CSPG4: variants seen among roughly 807,000 people sequenced by gnomAD.
CSPG4 encodes chondroitin sulfate proteoglycan 4 (melanoma-associated).
Under a neutral mutation model 139.3 loss-of-function variants are expected in CSPG4, and 74 were observed. The observed-to-expected ratio is 0.53, with a 90% CI of 0.44 to 0.64. The LOEUF is 0.64. CSPG4 is among the 30% of genes least tolerant of loss of function. The pLI, the probability that CSPG4 is intolerant of heterozygous loss-of-function variation, is 0.00. For missense variants in CSPG4, 2,565 were observed against 3,148.3 expected (o/e 0.81, Z 4.43); for synonymous variants, 1,234 against 1,394.2 (o/e 0.89, Z 2.56).
chr15:75,702,201 G>T (rs2141437965), intron 1 of CSPG4, among the ~76,000 whole-genome samples: 1 of 152,294 alleles, frequency 6.6e-6, no homozygotes, highest in Admixed American at 6.5e-5. Context: ...TGCCTGCAGG[G>T]TCTCTTGCTC....
chr15:75,695,266 G>A (rs928065237), intron 1 of CSPG4, among the ~76,000 whole-genome samples: 1 of 152,136 alleles, frequency 6.6e-6, no homozygotes, highest in African/African-American at 2.4e-5. Flanking sequence ...GGCCAGGCAG[G>A]AACTGAACTA....
At chr15:75,707,506 G>C (rs1371044108) in intron 1 of CSPG4, among the ~76,000 whole-genome samples, 1 of 152,186 alleles carries the variant, frequency 6.6e-6, no homozygotes, top group Non-Finnish European at 1.5e-5. Context: ...CCAGTGTGGA[G>C]TGAGGGCCAG....
chr15:75,675,173 T>C lies in CSPG4; in HGVS notation c.*377A>G, dbSNP rs1466203870. 2.4e-5 allele frequency: 7 copies of C among 296,844 alleles called. No individual in the cohort carries two copies. The highest frequency in any genetic ancestry group is 3.1e-5 in the Non-Finnish European group (5 of 162,018). 18.4% of individuals were successfully genotyped at this position (296,844 alleles called of 1,614,324 possible). ...CCTCCCCAGGGTACTTCCTTCTCCT[T>C]GCCCTCTTAGCAGCCTGGGTCAGGC... On this transcript the variant is annotated 3_prime_UTR_variant, in exon 10 of 10. Transcript: ENST00000308508.
chr15:75,678,683 C>T, intron 8 of CSPG4: 1 of 456,218 alleles, frequency 2.2e-6, no homozygotes, highest in African/African-American at 2.0e-5. Flanking sequence ...TTCACATTTT[C>T]CACCAGCTTC....
In CSPG4 at chr15:75,689,627, C is replaced by T. The variant is rs757991573; in HGVS notation, c.1438G>A (p.Glu480Lys). 17 of 1,612,736 alleles carry T rather than the reference C, an allele frequency of 1.1e-5. No individual in the cohort carries two copies. Among genetic ancestry groups the T allele is most frequent in the Middle Eastern group, 3.3e-4 (2 of 6,028 alleles). The part of the protein sequence containing the change: ...FSVTRGARHG[E>K]LELDIPGAQA... ...GCTCCCGGGATGTCCAGCTCGAGCTCGCCATGGCGTGCCCCTCGGGTCACG... is the reference window on the plus strand; with the variant it reads ...GCTCCCGGGATGTCCAGCTCGAGCTTGCCATGGCGTGCCCCTCGGGTCACG... The change falls in exon 3 of 10, where the codon GAG becomes AAG. Residue 480 changes from glutamate (E) to lysine (K), a missense_variant. Glu to Lys is a moderately conservative substitution (Grantham distance 56, BLOSUM62 1). Around this residue, in one of 5 missense-constraint regions of CSPG4, gnomAD observed 2,316 missense variants for 2,818.2 expected, o/e 0.82. Transcript: ENST00000308508.
chr15:75,688,862 C>T lies in CSPG4; in HGVS notation c.2203G>A (p.Asp735Asn), dbSNP rs750228779. ...TACCTCACGCGGCCCTGCTCCACAT[C>T]CCGCTGGTGGAACGCCTGTGTGGCC... ...WWATQAFHQR[D>N]VEQGRVRYLS... Residue 735 changes from aspartate to asparagine, a missense_variant, in exon 3 of 10, where the codon GAT (aspartate) becomes AAT (asparagine). This residue lies in a region of CSPG4 where 2,316 missense variants were observed against 2,818.2 expected (regional missense o/e 0.82). Coordinates refer to ENST00000308508, the MANE Select transcript of CSPG4 (RefSeq NM_001897.5). 3.8e-5 allele frequency: 62 copies of T among 1,612,326 alleles called. No homozygotes were observed. Among genetic ancestry groups the T allele is most frequent in the Non-Finnish European group, 4.8e-5 (57 of 1,179,958 alleles).
Position 75,687,253 on chromosome 15 carries a change from G to A in CSPG4, c.3789+23C>T. ...GGCCCTCTACCTGGCCCACACCCCT[G>A]CTCACCACCTCCAACTCCTCACCTC... On this transcript the variant is annotated intron_variant, in intron 3 of 9. Transcript: ENST00000308508. This position sits in a 1 kb window ranked among gnomAD's most constrained non-coding sequence, Gnocchi z 5.4. 1.2e-6 allele frequency: 2 copies of A among 1,608,476 alleles called. No individual in the cohort carries two copies. Among genetic ancestry groups the A allele is most frequent in the Non-Finnish European group, 1.7e-6 (2 of 1,179,740 alleles).
chr15:75,686,473 T>C (rs1324436635), intron 3 of CSPG4, among the ~76,000 whole-genome samples: 1 of 148,822 alleles, frequency 6.7e-6, no homozygotes, highest in East Asian at 1.9e-4. Context: ...CTCCCTCACC[T>C]GATGGGCCAG....
intron 8 of CSPG4, among the ~76,000 whole-genome samples, chr15:75,681,910 G>A (rs1323821080): frequency 6.6e-6 from 1 of 152,124 alleles, no homozygotes; most frequent in Non-Finnish European, 1.5e-5. Context: ...GCTGCTTCAC[G>A]TCCAACTCCA....
intron 1 of CSPG4, among the ~76,000 whole-genome samples, chr15:75,710,137 G>C (rs1894429048): frequency 6.6e-6 from 1 of 152,084 alleles, no homozygotes; most frequent in East Asian, 1.9e-4. Flanking sequence ...TCCCCACCCA[G>C]GTAACACACA....
At chr15:75,684,123 A>G (rs955298294) in intron 5 of CSPG4, among the ~76,000 whole-genome samples, 6 of 149,448 alleles carry the variant, frequency 4.0e-5, no homozygotes, top group African/African-American at 1.2e-4. Flanking sequence ...GGGAGGATGC[A>G]CCCCAGAAGC....
At chr15:75,691,051 G>A (rs560903640) in intron 2 of CSPG4, among the ~76,000 whole-genome samples, 2 of 152,342 alleles carry the variant, frequency 1.3e-5, no homozygotes, top group South Asian at 2.1e-4. Flanking sequence ...GCGCATGCCT[G>A]TAATCCCAGC....
rs1400001508 is a variant in CSPG4 at position 75,689,407 on chromosome 15, G to A, written c.1658C>T (p.Pro553Leu). 3 of 1,612,738 alleles carry A rather than the reference G, an allele frequency of 1.9e-6. No homozygotes were observed. In the Admixed American group the frequency reaches 5.0e-5, roughly 27 times the overall value. ...PIQVNPVNDP[P>L]HIIFPHGSLM... ...GCTGCCATGTGGGAAGATGATGTGG[G>A]GTGGGTCATTGACAGGGTTGACCTG... The change falls in exon 3 of 10, where the codon CCC becomes CTC. Residue 553 changes from proline (P) to leucine (L), a missense_variant. Transcript: ENST00000308508.
rs369262587 is a variant in CSPG4 at position 75,685,669 on chromosome 15, G to A, written c.3822C>T (p.Ile1274=). 1.4e-5 allele frequency: 22 copies of A among 1,603,488 alleles called. No individual in the cohort carries two copies. The highest frequency in any genetic ancestry group is 1.7e-5 in the Non-Finnish European group (20 of 1,178,908). The change falls in exon 4 of 10, where the codon ATC becomes ATT. Residue 1274 remains isoleucine, a synonymous_variant. Coordinates refer to ENST00000308508, the MANE Select transcript of CSPG4 (RefSeq NM_001897.5). ...TCGGTGGGCTCTTCACTGAGAATACGATGTCTGCAGGTGGCACTGCCTCCT... is the reference window on the plus strand; with the variant it reads ...TCGGTGGGCTCTTCACTGAGAATACAATGTCTGCAGGTGGCACTGCCTCCT... ...AAQEAVPPAD[I]VFSVKSPPSA...
At chr15:75,701,800 CAG>C (rs920036415) in intron 1 of CSPG4, among the ~76,000 whole-genome samples, 1 of 152,172 alleles carries the variant, frequency 6.6e-6, no homozygotes, top group Non-Finnish European at 1.5e-5. Context: ...AAGGAGGACT[CAG>C]TGTACTCTCC....
rs146031243 is a variant in CSPG4, at chr15:75,675,930, C to T, written c.6589G>A (p.Glu2197Lys). The change falls in exon 10 of 10, where the codon GAG (glutamate) becomes AAG (lysine). Residue 2197 changes from glutamate to lysine, a missense_variant. Glu to Lys is a moderately conservative substitution (Grantham distance 56, BLOSUM62 1). Transcript: ENST00000308508. ...GKPESSTPTGEPGPMASSPEP... is the reference protein window; with the variant it reads ...GKPESSTPTGKPGPMASSPEP... ...GGGCTGGATGCCATGGGGCCTGGCT[C>T]GCCTGTGGGGGTGCTGCTCTCTGGC... The T allele has an allele frequency of 2.4e-4, 381 of 1,597,620 alleles. No homozygotes were observed. In the African/African-American group the frequency reaches 2.9e-3, roughly 12 times the overall value.
In CSPG4 at chr15:75,696,752, C is replaced by G. The variant is rs371716738; in HGVS notation, c.89-3519G>C. Among the ~76,000 whole-genome samples the G allele has an allele frequency of 7.9e-5, 12 of 152,162 alleles. 1 individual carries two copies. The East Asian group carries it at 9.6e-4, about 12-fold the overall frequency. ...ATAAACAGGGCACTGCTGTCTGGGC[C>G]TGAGGGTGGGGTGGCTCCATCCTTC... On this transcript the variant is annotated intron_variant, in intron 1 of 9. Coordinates refer to ENST00000308508, the MANE Select transcript of CSPG4 (RefSeq NM_001897.5). The surrounding 1 kb of genome is among the most constrained non-coding windows in gnomAD (Gnocchi z 4.2).
In CSPG4 at chr15:75,690,694, G is replaced by A. The variant is rs775706392; in HGVS notation, c.371C>T (p.Ser124Leu). Residue 124 changes from serine (S) to leucine (L), a missense_variant, in exon 3 of 10, where the codon TCA (serine) becomes TTA (leucine). By Grantham distance (145) the Ser-to-Leu change is moderately radical. This residue lies in a region of CSPG4 where 132 missense variants were observed against 132.3 expected (regional missense o/e 1.00). Transcript: ENST00000308508. ...GGAGGCGTTCAGAAACCCATCGACTGACAACGTGGCCCAGCCCTCTACGAC... is the reference window on the plus strand; with the variant it reads ...GGAGGCGTTCAGAAACCCATCGACTAACAACGTGGCCCAGCCCTCTACGAC... ...LTVVEGWATL[S>L]VDGFLNASSA... is the part of the protein sequence containing the mutation. The A allele has an allele frequency of 6.2e-7, 1 of 1,613,046 alleles. No homozygotes were observed. The highest frequency in any genetic ancestry group is 8.5e-7 in the Non-Finnish European group (1 of 1,180,034).
Position 75,685,522 on chromosome 15 carries a change from G to A in CSPG4, c.3969C>T (p.Ser1323=). 1 of 1,608,058 alleles carries A rather than the reference G, an allele frequency of 6.2e-7. No individual in the cohort carries two copies. The highest frequency in any genetic ancestry group is 8.5e-7 in the Non-Finnish European group (1 of 1,178,332). ...VDTGRVLYLH[S]RPEAWSDAFS... ...AGGCATCGCTCCAGGCCTCAGGGCG[G>A]GAGTGCAGGTACAGGACCCTGCCTG... is the stretch of plus-strand genomic sequence containing the variant. The change falls in exon 4 of 10, where the codon TCC becomes TCT. Residue 1323 remains serine, a synonymous_variant. Transcript: ENST00000308508.
Sources: gnomAD v4.1 joint callset for allele counts (sites outside exome capture counted in the v4.1 genomes callset) on GRCh38, gnomAD v4.1.1 for gene constraint, gnomAD v4.1.1 regional missense constraint, Gnocchi (gnomAD v3.1) non-coding constraint, MANE v1.5 for transcripts, NCBI Gene and HGNC (gene_info 2026-07-23, HGNC 2026-07-21) for gene names.